The following RHEX variants were observed in gnomAD, a reference collection of about 807,000 sequenced individuals.
RHEX encodes regulator of hemoglobinization and erythroid cell expansion protein.
Under a neutral mutation model 20.1 loss-of-function variants are expected in RHEX, and 18 were observed. The ratio of observed to expected loss-of-function variants is 0.90; its 90% CI spans 0.62 to 1.33. The LOEUF (loss-of-function observed/expected upper bound fraction) is 1.33. Among genes scored for constraint, RHEX ranks in the 40% most tolerant of loss-of-function variants. The pLI is 0.00. For synonymous variants in RHEX, 87 were observed against 77.1 expected (o/e 1.13, Z -0.67); for missense variants, 192 against 214.3 (o/e 0.90, Z 0.65).
chr1:206,060,375 A>G (rs1662286935), intron 1 of RHEX: 1 of 152,210 alleles, frequency 6.6e-6, no homozygotes, highest in Non-Finnish European at 1.5e-5. Context: ...CCTTCGTATT[A>G]CTTTCCTCTC....
At position 206,067,516 on chromosome 1, in the gene RHEX, T is replaced by C. The variant is rs908757571; in HGVS notation, c.-97+14251T>C. Among the ~76,000 whole-genome samples the C allele has an allele frequency of 1.3e-5, 2 of 152,198 alleles. No homozygotes were observed. The highest frequency in any genetic ancestry group is 2.9e-5 in the Non-Finnish European group (2 of 68,024). ...AAGGGTAATGTAGAAGAAGAAATTT[T>C]CATTTAAAACCAAAGCTGATGATGT... is the stretch of plus-strand genomic sequence containing the variant. On this transcript the variant is annotated intron_variant, in intron 1 of 5. Coordinates refer to ENST00000331555, the MANE Select transcript of RHEX (RefSeq NM_001007544.4). This position sits in a 1 kb window ranked among gnomAD's most constrained non-coding sequence, Gnocchi z 4.6.
chr1:206,072,102 C>T (rs1662548049), intron 1 of RHEX, among the ~76,000 whole-genome samples: 1 of 152,010 alleles, frequency 6.6e-6, no homozygotes, highest in South Asian at 2.1e-4. Flanking sequence ...TCATGCCGCC[C>T]CTAATTTTTC....
chr1:206,073,116 G>T (rs1287668403), intron 1 of RHEX, among the ~76,000 whole-genome samples: 3 of 152,016 alleles, frequency 2.0e-5, no homozygotes, highest in African/African-American at 7.2e-5. Context: ...GAGATTACAG[G>T]CATAAGCCAC....
chr1:206,099,536 C>T lies in RHEX; in HGVS notation c.113-119C>T, dbSNP rs537479525. The T allele has an allele frequency of 9.1e-6, 8 of 874,730 alleles. No individual in the cohort carries two copies. In the African/African-American group the frequency reaches 1.3e-4, roughly 15 times the overall value. The allele number at this position is 874,730 out of a possible 1,614,324, so 54.2% of individuals were successfully genotyped here. On this transcript the variant is annotated intron_variant, in intron 3 of 5. Transcript: ENST00000331555. ...GTTTCACCATGTTGACCAGGCTGGT[C>T]TCGAACTTGTGACCTCAAGTGATCC...
At position 206,080,778 on chromosome 1, in the gene RHEX, CCCAGTAGCCTCTGAGCAGGAG is replaced by C. The variant is rs1281795637; in HGVS notation, c.-96-16953_-96-16933del. Among the ~76,000 whole-genome samples, 5 of 152,296 alleles carry C rather than the reference CCCAGTAGCCTCTGAGCAGGAG, an allele frequency of 3.3e-5. No individual in the cohort carries two copies. The East Asian group carries it at 7.7e-4, about 23-fold the overall frequency. On this transcript the variant is annotated intron_variant, in intron 1 of 5. Coordinates refer to ENST00000331555, the MANE Select transcript of RHEX (RefSeq NM_001007544.4). Reference sequence around the variant, plus strand: ...TAGGAAGCATCAGCGTGCATCCATTCCCAGTAGCCTCTGAGCAGGAGCAGGCAAAGTGCCTTCTTTTTGAAA... The same window carrying C: ...TAGGAAGCATCAGCGTGCATCCATTCCAGGCAAAGTGCCTTCTTTTTGAAA...
Position 206,101,782 on chromosome 1 carries a change from G to A in RHEX, c.349G>A (p.Val117Ile), listed in dbSNP as rs116565072. The A allele has an allele frequency of 8.7e-4, 1,404 of 1,613,660 alleles. 13 individuals are homozygous for A. The African/African-American group carries it at 0.013, about 15-fold the overall frequency. The change falls in exon 6 of 6, where the codon GTC (valine) becomes ATC (isoleucine). Residue 117 changes from valine to isoleucine, a missense_variant. Physicochemically the swap from Val to Ile is conservative, Grantham distance 29. Transcript: ENST00000331555. Reference protein sequence around the residue: ...ATEDVDYTQVVFSDPGELKND... With the variant: ...ATEDVDYTQVIFSDPGELKND... Reference sequence around the variant, plus strand: ...AGAGGATGTGGATTACACACAAGTCGTCTTTTCTGACCCTGGAGAACTAAA... The same window carrying A: ...AGAGGATGTGGATTACACACAAGTCATCTTTTCTGACCCTGGAGAACTAAA...
chr1:206,071,168 C>T (rs1321805429), intron 1 of RHEX, among the ~76,000 whole-genome samples: 2 of 152,254 alleles, frequency 1.3e-5, no homozygotes, highest in Non-Finnish European at 2.9e-5. Context: ...GAGCCCCTGG[C>T]GCCCTACTGG....
intron 1 of RHEX, among the ~76,000 whole-genome samples, chr1:206,086,696 C>A (rs1353660633): frequency 6.6e-6 from 1 of 152,182 alleles, no homozygotes; most frequent in Non-Finnish European, 1.5e-5. Flanking sequence ...ACATGGTAAA[C>A]ACAAGACGTG....
intron 1 of RHEX, among the ~76,000 whole-genome samples, chr1:206,056,759 A>G (rs1662201935): frequency 6.6e-6 from 1 of 152,224 alleles, no homozygotes; most frequent in South Asian, 2.1e-4. Context: ...TATTGATAGT[A>G]AGCAGCATGG....
At chr1:206,091,595 A>C (rs1342800047) in intron 1 of RHEX, among the ~76,000 whole-genome samples, 1 of 152,220 alleles carries the variant, frequency 6.6e-6, no homozygotes, top group Non-Finnish European at 1.5e-5. Flanking sequence ...TATATAAAAG[A>C]CAGCTTCCTG....
At chr1:206,062,859 T>G (rs1553283505) in intron 1 of RHEX, among the ~76,000 whole-genome samples, 2 of 152,196 alleles carry the variant, frequency 1.3e-5, no homozygotes, top group Non-Finnish European at 2.9e-5. Flanking sequence ...AAGTAGTCAT[T>G]AAGCACTTCC....
intron 1 of RHEX, among the ~76,000 whole-genome samples, chr1:206,064,083 G>A (rs1424271271): frequency 1.6e-5 from 2 of 121,460 alleles, no homozygotes; most frequent in South Asian, 2.8e-4. Flanking sequence ...GCCCAGCCGC[G>A]ACCCCGTCTG....
chr1:206,071,442 A>G (rs1571859559), intron 1 of RHEX, among the ~76,000 whole-genome samples: 1 of 151,696 alleles, frequency 6.6e-6, no homozygotes, highest in Non-Finnish European at 1.5e-5. Context: ...CAGGAACAAT[A>G]CTTTGCGTCC....
intron 1 of RHEX, among the ~76,000 whole-genome samples, chr1:206,085,268 GC>G (rs1227855762): frequency 1.2e-4 from 19 of 152,108 alleles, no homozygotes; most frequent in African/African-American, 4.6e-4. Context: ...CCCTATCCCT[GC>G]CGTGTTTTTA....
At chr1:206,084,396 T>C (rs1212932407) in intron 1 of RHEX, among the ~76,000 whole-genome samples, 1 of 152,352 alleles carries the variant, frequency 6.6e-6, no homozygotes, top group African/African-American at 2.4e-5. Flanking sequence ...GCCCATTTAT[T>C]CCTCACACCT....
intron 1 of RHEX, among the ~76,000 whole-genome samples, chr1:206,054,697 A>G (rs1553282333): frequency 6.6e-6 from 1 of 152,276 alleles, no homozygotes; most frequent in Non-Finnish European, 1.5e-5. Context: ...CCTTATGGTC[A>G]AACATGAAAA....
chr1:206,064,762 C>T (rs1421303651), intron 1 of RHEX, among the ~76,000 whole-genome samples: 2 of 152,108 alleles, frequency 1.3e-5, no homozygotes, highest in Non-Finnish European at 1.5e-5. Flanking sequence ...GGCCACCGCC[C>T]CGTCTGGGAG....
chr1:206,069,565 A>G (rs1161824009), intron 1 of RHEX, among the ~76,000 whole-genome samples: 1 of 152,234 alleles, frequency 6.6e-6, no homozygotes, highest in African/African-American at 2.4e-5. Context: ...TCCTAGTTTT[A>G]GCATTGAAAG....
intron 1 of RHEX, among the ~76,000 whole-genome samples, chr1:206,076,498 C>G (rs1662639495): frequency 6.6e-6 from 1 of 152,192 alleles, no homozygotes; most frequent in Admixed American, 6.5e-5. Flanking sequence ...TTTCATAAAC[C>G]TTTTGTACCA....
Sources: allele counts gnomAD v4.1 joint callset (sites outside exome capture counted in the v4.1 genomes callset), GRCh38; gene constraint gnomAD v4.1.1; non-coding constraint Gnocchi (gnomAD v3.1); transcripts MANE v1.5; gene names NCBI Gene and HGNC (gene_info 2026-07-23, HGNC 2026-07-21).